DCC: variants seen among roughly 807,000 people sequenced by gnomAD.
DCC encodes the protein DCC netrin 1 receptor.
DCC carries 58 observed loss-of-function variants against 172.5 expected under a neutral mutation model. That is an observed-to-expected ratio of 0.34 (90% CI 0.27 to 0.42). The LOEUF (loss-of-function observed/expected upper bound fraction) is 0.42, where lower values mean the gene tolerates loss of function less well. Ranked by LOEUF, DCC falls within the 10% of genes least tolerant of loss-of-function variation. The probability of loss-of-function intolerance (pLI) is 1.00; values close to 1 mark genes in which losing one functional copy is unlikely to be tolerated. For synonymous variants in DCC, 709 were observed against 644.5 expected (o/e 1.10, Z -1.52); for missense variants, 1,740 against 1,791.0 (o/e 0.97, Z 0.51).
intron 8 of DCC, among the ~76,000 whole-genome samples, chr18:53,165,407 C>T (rs1275438682): frequency 1.3e-5 from 2 of 152,134 alleles, no homozygotes; most frequent in African/African-American, 4.8e-5. Flanking sequence ...TTTACATATT[C>T]TTTCCCCGCT....
intron 27 of DCC, among the ~76,000 whole-genome samples, chr18:53,511,165 G>A (rs540587675): frequency 1.3e-5 from 2 of 152,272 alleles, no homozygotes; most frequent in South Asian, 2.1e-4. Context: ...GTGGGACAAA[G>A]GTTACCTGTT....
chr18:52,548,561 C>T (rs1287414583), intron 1 of DCC, among the ~76,000 whole-genome samples: 1 of 152,036 alleles, frequency 6.6e-6, no homozygotes, highest in Non-Finnish European at 1.5e-5. Context: ...CTAAGCTAGC[C>T]ATTGTTTCAC....
chr18:53,376,759 A>G (rs1176346693), intron 15 of DCC, among the ~76,000 whole-genome samples: 1 of 152,210 alleles, frequency 6.6e-6, no homozygotes, highest in Non-Finnish European at 1.5e-5. Context: ...TATATCAAAT[A>G]TGACAGCAGA....
chr18:52,440,300 G>C (rs1378490886), intron 1 of DCC, among the ~76,000 whole-genome samples: 1 of 152,192 alleles, frequency 6.6e-6, no homozygotes, highest in African/African-American at 2.4e-5. Flanking sequence ...ATGCTCACGT[G>C]CTTCAGAATA....
intron 2 of DCC, among the ~76,000 whole-genome samples, chr18:52,847,950 A>C (rs1220451174): frequency 6.6e-6 from 1 of 152,186 alleles, no homozygotes; most frequent in Non-Finnish European, 1.5e-5. Context: ...AGTTGTATGA[A>C]TTGACATCAG....
intron 1 of DCC, among the ~76,000 whole-genome samples, chr18:52,537,922 C>T (rs62081340): frequency 0.058 from 8,756 of 152,196 alleles, 329 homozygotes; most frequent in Middle Eastern, 0.11. Context: ...CTGTCTTCTG[C>T]CCTTCCCTGC....
At chr18:52,567,397 T>G (rs2033184272) in intron 1 of DCC, among the ~76,000 whole-genome samples, 1 of 152,086 alleles carries the variant, frequency 6.6e-6, no homozygotes, top group South Asian at 2.1e-4. Flanking sequence ...AAATGTAGTG[T>G]GGTGGGAACA....
At chr18:52,837,806 A>G (rs556406548) in intron 2 of DCC, among the ~76,000 whole-genome samples, 2 of 152,314 alleles carry the variant, frequency 1.3e-5, no homozygotes, top group East Asian at 3.9e-4. Context: ...ATGCTTCTAT[A>G]AAGATCTGCC....
chr18:52,386,012 A>C (rs1985785125), intron 1 of DCC, among the ~76,000 whole-genome samples: 1 of 152,110 alleles, frequency 6.6e-6, no homozygotes, highest in Non-Finnish European at 1.5e-5. Flanking sequence ...GTGTATACTT[A>C]CGCAGATATA....
intron 2 of DCC, among the ~76,000 whole-genome samples, chr18:52,884,277 A>G (rs1396979823): frequency 2.0e-5 from 3 of 152,138 alleles, no homozygotes; most frequent in Non-Finnish European, 4.4e-5. Context: ...ATCCCTTTAA[A>G]TAAACTTTCT....
intron 27 of DCC, among the ~76,000 whole-genome samples, chr18:53,512,020 G>A (rs1440641432): frequency 1.3e-5 from 2 of 152,146 alleles, no homozygotes; most frequent in Non-Finnish European, 2.9e-5. Flanking sequence ...GCAGGGCACA[G>A]ACAAAAAGAC....
chr18:52,896,254 T>A (rs1346158800), intron 2 of DCC, among the ~76,000 whole-genome samples: 1 of 152,222 alleles, frequency 6.6e-6, no homozygotes, highest in Non-Finnish European at 1.5e-5. Context: ...CTAGTGAATA[T>A]TTGTCCACAT....
At chr18:52,999,379 A>T (rs1312281448) in intron 5 of DCC, among the ~76,000 whole-genome samples, 1 of 152,060 alleles carries the variant, frequency 6.6e-6, no homozygotes, top group Non-Finnish European at 1.5e-5. Context: ...GAAGTTAAAT[A>T]ACCCTTGGGA....
At chr18:53,313,716 C>A (rs776964210) in intron 13 of DCC, among the ~76,000 whole-genome samples, 1 of 152,188 alleles carries the variant, frequency 6.6e-6, no homozygotes, top group Non-Finnish European at 1.5e-5. Context: ...TTCTTCCATG[C>A]CTGCATAGTG....
intron 26 of DCC, among the ~76,000 whole-genome samples, chr18:53,493,382 A>T (rs2045981172): frequency 6.6e-6 from 1 of 152,178 alleles, no homozygotes; most frequent in Admixed American, 6.5e-5. Context: ...GTAGTGAGAG[A>T]GAGGGCATCC....
intron 7 of DCC, among the ~76,000 whole-genome samples, chr18:53,094,332 C>T (rs900743827): frequency 6.6e-6 from 1 of 152,182 alleles, no homozygotes; most frequent in African/African-American, 2.4e-5. Flanking sequence ...CTATTTTTCT[C>T]ATTCCTCTTC....
At chr18:53,507,494 CATCTT>C (rs1375653384) in intron 27 of DCC, among the ~76,000 whole-genome samples, 1 of 152,316 alleles carries the variant, frequency 6.6e-6, no homozygotes, top group East Asian at 1.9e-4. Flanking sequence ...TCATGTTAAA[CATCTT>C]GTGTGTGTTC....
intron 9 of DCC, among the ~76,000 whole-genome samples, chr18:53,180,280 G>A (rs2055174737): frequency 6.6e-6 from 1 of 152,150 alleles, no homozygotes; most frequent in Admixed American, 6.5e-5. Context: ...TAATTGAAGG[G>A]ACGGAAGAGG....
chr18:53,025,506 T>C (rs1018502813), intron 5 of DCC, among the ~76,000 whole-genome samples: 1 of 152,092 alleles, frequency 6.6e-6, no homozygotes, highest in Admixed American at 6.6e-5. Flanking sequence ...AGCCCACTAG[T>C]AAACATAAGA....
Sources: allele counts gnomAD v4.1 joint callset (sites outside exome capture counted in the v4.1 genomes callset), GRCh38; gene constraint gnomAD v4.1.1; transcripts MANE v1.5; gene names NCBI Gene and HGNC (gene_info 2026-07-23, HGNC 2026-07-21).